Variants in ADAMTS9 observed in about 807,000 individuals in gnomAD.
ADAMTS9 encodes the protein A disintegrin and metalloproteinase with thrombospondin motifs 9.
In ADAMTS9, 107 loss-of-function variants were observed where a neutral mutation model predicts 257.1. The ratio of observed to expected loss-of-function variants is 0.42; its 90% CI spans 0.36 to 0.49. The LOEUF (loss-of-function observed/expected upper bound fraction) is 0.49, where lower values mean the gene tolerates loss of function less well. ADAMTS9 is among the 20% of genes least tolerant of loss of function. ADAMTS9 has a pLI of 0.03. For missense variants in ADAMTS9, 2,353 were observed against 2,469.1 expected, an observed-to-expected ratio of 0.95 and a Z score of 1.00; for synonymous variants, 982 against 880.9, an observed-to-expected ratio of 1.11 and a Z score of -2.03.
intron 30 of ADAMTS9, 81 bp from the exon 31 acceptor site, chr3:64,551,143 A>G: frequency 6.8e-7 from 1 of 1,476,050 alleles, no homozygotes; most frequent in Non-Finnish European, 9.3e-7. Flanking sequence ...ACCTGTCTAC[A>G]TAGCCTTTAA....
intron 6 of ADAMTS9, 158 bp from the exon 7 acceptor site, chr3:64,654,770 A>AC: frequency 1.4e-6 from 1 of 698,634 alleles, no homozygotes; most frequent in East Asian, 2.7e-5. Context: ...AACTCAAAAA[A>AC]TTTTTGGAAT....
intron 35 of ADAMTS9, 30 bp downstream of exon 35, chr3:64,541,290 T>A: frequency 6.2e-7 from 1 of 1,613,428 alleles, no homozygotes; most frequent in Non-Finnish European, 8.5e-7. Context: ...TCTCCAGGCC[T>A]CTGAGATCTT....
chr3:64,540,510 G>A (rs759020700), intron 36 of ADAMTS9, among the ~76,000 whole-genome samples: 3 of 152,126 alleles, frequency 2.0e-5, no homozygotes, highest in Non-Finnish European at 2.9e-5. Flanking sequence ...GCACATTGAC[G>A]ACTGAATAAA....
At chr3:64,660,131 A>G (rs969722804) in intron 3 of ADAMTS9, among the ~76,000 whole-genome samples, 6 of 152,248 alleles carry the variant, frequency 3.9e-5, no homozygotes, top group Non-Finnish European at 8.8e-5. Context: ...CAATCAGATC[A>G]TAAATGTGCT....
At chr3:64,638,663 G>A (rs980901978) in intron 12 of ADAMTS9, among the ~76,000 whole-genome samples, 3 of 152,132 alleles carry the variant, frequency 2.0e-5, no homozygotes, top group Admixed American at 1.3e-4. Context: ...ATATATACCA[G>A]TTGAGACCAA....
chr3:64,554,015 A>G (rs2083301282), intron 30 of ADAMTS9, among the ~76,000 whole-genome samples: 1 of 152,248 alleles, frequency 6.6e-6, no homozygotes, highest in South Asian at 2.1e-4. Flanking sequence ...CCACCCATAG[A>G]AAAAGTAATT....
At chr3:64,584,691 G>C (rs2084101343) in intron 28 of ADAMTS9, among the ~76,000 whole-genome samples, 1 of 151,956 alleles carries the variant, frequency 6.6e-6, no homozygotes, top group South Asian at 2.1e-4. Context: ...ACATCATAAA[G>C]ATCTCCCTTA....
At chr3:64,555,677 C>T (rs142610616) in intron 30 of ADAMTS9, among the ~76,000 whole-genome samples, 1 of 152,162 alleles carries the variant, frequency 6.6e-6, no homozygotes, top group Admixed American at 6.5e-5. Flanking sequence ...TCCCATGATG[C>T]TGCAAAGGTG....
At chr3:64,580,433 C>T (rs1049347275) in intron 28 of ADAMTS9, among the ~76,000 whole-genome samples, 6 of 152,164 alleles carry the variant, frequency 3.9e-5, no homozygotes, top group Admixed American at 3.9e-4. Context: ...TCTCTACAGC[C>T]AGTCCCCACG....
At chr3:64,600,879 C>A (rs2084447273) in intron 26 of ADAMTS9, among the ~76,000 whole-genome samples, 1 of 152,102 alleles carries the variant, frequency 6.6e-6, no homozygotes, top group African/African-American at 2.4e-5. Flanking sequence ...CCTTCTAATT[C>A]TTTTTAGCCC....
intron 3 of ADAMTS9, among the ~76,000 whole-genome samples, chr3:64,661,409 T>C (rs1445793283): frequency 6.6e-6 from 1 of 152,206 alleles, no homozygotes; most frequent in Non-Finnish European, 1.5e-5. Flanking sequence ...TACCAGGCAT[T>C]GAATTCGGCT....
chr3:64,636,807 G>A (rs1267710917), intron 12 of ADAMTS9, among the ~76,000 whole-genome samples: 1 of 152,180 alleles, frequency 6.6e-6, no homozygotes, highest in East Asian at 1.9e-4. Context: ...TATCAGTAAG[G>A]TTGAGTAATT....
intron 10 of ADAMTS9, 104 bp from the exon 11 acceptor site, chr3:64,648,148 G>A (rs774434245): frequency 4.0e-6 from 4 of 996,972 alleles, no homozygotes; most frequent in Non-Finnish European, 5.9e-6. Context: ...ATGACATAGG[G>A]TAAGTGGGGA....
intron 3 of ADAMTS9, among the ~76,000 whole-genome samples, chr3:64,674,001 C>T (rs1181392917): frequency 4.0e-5 from 6 of 151,580 alleles, no homozygotes; most frequent in Non-Finnish European, 2.9e-5. Flanking sequence ...TAAGTGGGAA[C>T]AAATGAAAGA....
At chr3:64,635,818 C>T (rs1454273960) in intron 12 of ADAMTS9, among the ~76,000 whole-genome samples, 3 of 152,068 alleles carry the variant, frequency 2.0e-5, no homozygotes, top group African/African-American at 7.2e-5. Context: ...TAGATCCAAG[C>T]CCTTTTCTCA....
chr3:64,657,409 T>G (rs1349784270), intron 4 of ADAMTS9, among the ~76,000 whole-genome samples: 1 of 152,150 alleles, frequency 6.6e-6, no homozygotes, highest in Non-Finnish European at 1.5e-5. Flanking sequence ...CAATCAAGGC[T>G]CACTGTAGCC....
rs1187855484 is a variant in ADAMTS9, at chr3:64,648,154, G to A, written c.1606-110C>T. The stretch of plus-strand genomic sequence containing the variant: ...GTTTCACCAATGACATAGGGTAAGT[G>A]GGGAAGGAAATTCTTTTCTTGGTAT... On this transcript the variant is annotated intron_variant, in intron 10 of 39. Coordinates refer to ENST00000498707, the MANE Select transcript of ADAMTS9 (RefSeq NM_182920.2). 6.3e-6 allele frequency: 6 copies of A among 947,560 alleles called. No homozygotes were observed. The East Asian group carries it at 7.6e-5, about 12-fold the overall frequency. 58.7% of individuals were successfully genotyped at this position (947,560 alleles called of 1,614,324 possible).
At chr3:64,522,328 T>G in intron 38 of ADAMTS9, 68 bp from the exon 39 acceptor site, 1 of 1,390,098 alleles carries the variant, frequency 7.2e-7, no homozygotes, top group Non-Finnish European at 1.0e-6. Flanking sequence ...ACTGGCTTTT[T>G]GGGAAAACGT....
chr3:64,554,357 TA>T (rs1055178153), intron 30 of ADAMTS9, among the ~76,000 whole-genome samples: 18 of 152,370 alleles, frequency 1.2e-4, no homozygotes, highest in African/African-American at 3.8e-4. Context: ...CAGTGTTTCC[TA>T]AATTAGTCAA....
Sources: gnomAD v4.1 joint callset for allele counts (sites outside exome capture counted in the v4.1 genomes callset) on GRCh38, gnomAD v4.1.1 for gene constraint, MANE v1.5 for transcripts, NCBI Gene and HGNC (gene_info 2026-07-23, HGNC 2026-07-21) for gene names.